CCDC33: variants seen among roughly 807,000 people sequenced by gnomAD.
CCDC33 encodes coiled-coil domain-containing protein 33.
CCDC33 carries 94 observed loss-of-function variants against 91.9 expected under a neutral mutation model. That is an observed-to-expected ratio of 1.02 (90% CI 0.87 to 1.21). The LOEUF is 1.21. CCDC33 is among the 50% of genes most tolerant of loss of function. The probability of loss-of-function intolerance (pLI) is 0.00; values close to 1 mark genes in which losing one functional copy is unlikely to be tolerated. For missense variants in CCDC33, 940 were observed against 935.5 expected (o/e 1.00, Z -0.06); for synonymous variants, 396 against 374.5 (o/e 1.06, Z -0.66).
At chr15:74,290,983 C>T (rs2059573607) in intron 10 of CCDC33, among the ~76,000 whole-genome samples, 2 of 152,136 alleles carry the variant, frequency 1.3e-5, no homozygotes, top group Admixed American at 1.3e-4. Flanking sequence ...TACTAAAATC[C>T]CCAACAGAAT....
intron 5 of CCDC33, among the ~76,000 whole-genome samples, chr15:74,270,041 C>T (rs1401050115): frequency 6.6e-6 from 1 of 152,212 alleles, no homozygotes; most frequent in Non-Finnish European, 1.5e-5. Flanking sequence ...ACCCCAGACC[C>T]ATCCAAAGTG....
At chr15:74,318,045 T>G (rs1409807853) in intron 11 of CCDC33, among the ~76,000 whole-genome samples, 4 of 146,942 alleles carry the variant, frequency 2.7e-5, no homozygotes, top group African/African-American at 1.0e-4. Flanking sequence ...TAAGCCACAC[T>G]GCAGCTGCAG....
Position 74,218,491 on chromosome 15 carries a change from A to G in CCDC33, c.311-6A>G, listed in dbSNP as rs1279156360. On this transcript the variant is annotated splice_polypyrimidine_tract_variant and splice_region_variant and intron_variant, in intron 1 of 2. Coordinates refer to the CCDC33 transcript ENST00000635913. This position sits in a 1 kb window ranked among gnomAD's most constrained non-coding sequence, Gnocchi z 4.8. ...CCATCTCTGAGCCCTGTGTTCCCTC[A>G]TCCAGGTTTCTGCAAGAATGACGGG... The G allele has an allele frequency of 1.6e-6, 2 of 1,276,550 alleles. No individual in the cohort carries two copies. The highest frequency in any genetic ancestry group is 3.0e-5 in the African/African-American group (2 of 65,720). The allele number at this position is 1,276,550 out of a possible 1,614,324, so 79.1% of individuals were successfully genotyped here. A position where few individuals can be genotyped will look rare whatever the true frequency, so the allele number is the denominator to read the frequency against.
intron 10 of CCDC33, among the ~76,000 whole-genome samples, chr15:74,295,312 A>T (rs180912543): frequency 6.6e-6 from 1 of 152,370 alleles, no homozygotes; most frequent in African/African-American, 2.4e-5. Flanking sequence ...ATGCATTTTT[A>T]AATTTTCTGG....
At chr15:74,264,835 C>T (rs749024159) in intron 3 of CCDC33, among the ~76,000 whole-genome samples, 2 of 152,180 alleles carry the variant, frequency 1.3e-5, no homozygotes, top group Non-Finnish European at 2.9e-5. Flanking sequence ...AAAGTGTTGA[C>T]ATTTTGAAGA....
At chr15:74,209,390 G>A (rs1393873176) in exon 2 of CCDC33, 1 of 1,535,412 alleles carries the variant, frequency 6.5e-7, no homozygotes, top group Non-Finnish European at 8.7e-7. Flanking sequence ...ACTCCCAGGG[G>A]GCCACTGCCT....
intron 1 of CCDC33, among the ~76,000 whole-genome samples, chr15:74,240,839 C>A (rs189356227): frequency 6.6e-6 from 1 of 152,154 alleles, no homozygotes; most frequent in Non-Finnish European, 1.5e-5. Flanking sequence ...GTGATTTGCC[C>A]GCCTCGGCCT....
chr15:74,206,102 G>A (rs535899751), intron 1 of CCDC33, among the ~76,000 whole-genome samples: 2 of 152,290 alleles, frequency 1.3e-5, no homozygotes, highest in Admixed American at 6.5e-5. Flanking sequence ...TTCTCCAGTT[G>A]TGAACTCTCC....
chr15:74,291,939 T>C (rs2059592326), intron 10 of CCDC33, among the ~76,000 whole-genome samples: 1 of 152,256 alleles, frequency 6.6e-6, no homozygotes, highest in African/African-American at 2.4e-5. Context: ...TGTGGGCAGC[T>C]GCAACAACAC....
Position 74,279,995 on chromosome 15 carries a change from C to T in CCDC33, c.792C>T (p.Pro264=). ...LSKPGGPPEQ[P]LWNQSFLFQG... is the part of the protein sequence containing the mutation. ...AGCCTGGGGGACCCCCAGAGCAGCC[C>T]CTGTGGAATCAGTCCTTCCTCTTCC... is the stretch of plus-strand genomic sequence containing the variant. Residue 264 remains proline, a synonymous_variant, in exon 8 of 19, where the codon CCC becomes CCT. Coordinates refer to ENST00000398814, the MANE Select transcript of CCDC33 (RefSeq NM_025055.5). The T allele has an allele frequency of 6.2e-7, 1 of 1,614,152 alleles. No individual in the cohort carries two copies. Among genetic ancestry groups the T allele is most frequent in the South Asian group, 1.1e-5 (1 of 91,074 alleles).
At chr15:74,237,115 C>T (rs1428345785) in intron 1 of CCDC33, among the ~76,000 whole-genome samples, 1 of 152,202 alleles carries the variant, frequency 6.6e-6, no homozygotes, top group Non-Finnish European at 1.5e-5. Context: ...CCCTGATGCC[C>T]CCATTGCCCC....
chr15:74,297,003 C>T (rs1347752044), intron 11 of CCDC33, among the ~76,000 whole-genome samples: 1 of 152,220 alleles, frequency 6.6e-6, no homozygotes, highest in Non-Finnish European at 1.5e-5. Context: ...CCATCCTCCT[C>T]CCAGGACCTG....
At chr15:74,264,270 G>T (rs2076107283) in intron 3 of CCDC33, among the ~76,000 whole-genome samples, 1 of 152,186 alleles carries the variant, frequency 6.6e-6, no homozygotes, top group South Asian at 2.1e-4. Flanking sequence ...ATGTGTTAAT[G>T]AAAAGCAAAG....
At chr15:74,277,530 C>G (rs1017514891) in intron 7 of CCDC33, among the ~76,000 whole-genome samples, 2 of 152,240 alleles carry the variant, frequency 1.3e-5, no homozygotes, top group Non-Finnish European at 2.9e-5. Context: ...CATAATTCCA[C>G]TACCGCTGTG....
chr15:74,270,244 A>G (rs1436818151), intron 5 of CCDC33, among the ~76,000 whole-genome samples: 1 of 152,154 alleles, frequency 6.6e-6, no homozygotes, highest in Non-Finnish European at 1.5e-5. Context: ...GTGCGGAGGG[A>G]GAAAAGGGAG....
At chr15:74,205,557 C>CCA (rs1223435622) in intron 1 of CCDC33, among the ~76,000 whole-genome samples, 1 of 152,202 alleles carries the variant, frequency 6.6e-6, no homozygotes, top group Non-Finnish European at 1.5e-5. Flanking sequence ...GACCCAAACA[C>CCA]CACACACCAG....
chr15:74,246,547 A>G (rs1253464427), intron 2 of CCDC33, among the ~76,000 whole-genome samples: 1 of 152,216 alleles, frequency 6.6e-6, no homozygotes, highest in Non-Finnish European at 1.5e-5. Flanking sequence ...AGAAATACAA[A>G]TGGCCAACAG....
rs568780245 is a variant in CCDC33 at position 74,244,557 on chromosome 15, G to C, written c.185+409G>C. On this transcript the variant is annotated intron_variant, in intron 2 of 18. Coordinates refer to ENST00000398814, the MANE Select transcript of CCDC33 (RefSeq NM_025055.5). This position sits in a 1 kb window ranked among gnomAD's most constrained non-coding sequence, Gnocchi z 4.2. ...CCCCACCATACCCAGCCCTGGGGTA[G>C]GGTCCTCATAACCACCCTCCCCTCC... 6.6e-6 allele frequency among the ~76,000 whole-genome samples: 1 copy of C among 151,978 alleles called. No homozygotes were observed.
chr15:74,282,309 T>C (rs1196630063), intron 10 of CCDC33, among the ~76,000 whole-genome samples: 1 of 152,124 alleles, frequency 6.6e-6, no homozygotes, highest in Non-Finnish European at 1.5e-5. Flanking sequence ...CCAAATTCAT[T>C]CAGGTGGCTG....
Sources: gnomAD v4.1 joint callset for allele counts (sites outside exome capture counted in the v4.1 genomes callset) on GRCh38, gnomAD v4.1.1 for gene constraint, Gnocchi (gnomAD v3.1) non-coding constraint, MANE v1.5 for transcripts, NCBI Gene and HGNC (gene_info 2026-07-23, HGNC 2026-07-21) for gene names.